RCSD1: variants seen among roughly 807,000 people sequenced by gnomAD.
RCSD1 encodes RCSD domain containing 1, also known as capZ-interacting protein.
RCSD1 carries 26 observed loss-of-function variants against 42.5 expected under a neutral mutation model. The observed-to-expected ratio is 0.61, with a 90% CI of 0.45 to 0.85. The LOEUF (loss-of-function observed/expected upper bound fraction) is 0.85, where lower values mean the gene tolerates loss of function less well. Among genes scored for constraint, RCSD1 ranks in the 40% least tolerant of loss-of-function variants. RCSD1 has a pLI of 0.00. For missense variants in RCSD1, 571 were observed against 528.3 expected (o/e 1.08, Z -0.79); for synonymous variants, 220 against 212.2 (o/e 1.04, Z -0.32).
At chr1:167,700,547 A>G (rs1290597049) in intron 6 of RCSD1, among the ~76,000 whole-genome samples, 2 of 151,798 alleles carry the variant, frequency 1.3e-5, no homozygotes, top group Non-Finnish European at 2.9e-5. Flanking sequence ...GCTACTTAGG[A>G]GGCTGAGGCA....
intron 1 of RCSD1, among the ~76,000 whole-genome samples, chr1:167,653,412 G>A (rs1658355987): frequency 6.6e-6 from 1 of 152,216 alleles, no homozygotes; most frequent in South Asian, 2.1e-4. Context: ...AGAGTCCTGG[G>A]GGGAGAGTTT....
intron 1 of RCSD1, among the ~76,000 whole-genome samples, chr1:167,631,478 G>A (rs1336680725): frequency 1.3e-5 from 2 of 152,140 alleles, no homozygotes; most frequent in Non-Finnish European, 2.9e-5. Flanking sequence ...CCTGGGCCCT[G>A]GTGGTCTTTT....
intron 6 of RCSD1, among the ~76,000 whole-genome samples, chr1:167,698,339 T>C (rs965706429): frequency 6.6e-6 from 1 of 152,174 alleles, no homozygotes; most frequent in Non-Finnish European, 1.5e-5. Flanking sequence ...AAGCCCAAAG[T>C]GCAAGTGTAG....
At chr1:167,664,258 T>G (rs1295823747) in intron 1 of RCSD1, 2 of 152,276 alleles carry the variant, frequency 1.3e-5, no homozygotes, top group Non-Finnish European at 2.9e-5. Flanking sequence ...GCAGCTGCCC[T>G]GGGCTGGACA....
chr1:167,643,911 CG>C (rs1658065758), intron 1 of RCSD1, among the ~76,000 whole-genome samples: 1 of 152,180 alleles, frequency 6.6e-6, no homozygotes, highest in East Asian at 1.9e-4. Flanking sequence ...GACTGGGACA[CG>C]GGATGGACAA....
chr1:167,692,749 G>T (rs1337718472), intron 4 of RCSD1, among the ~76,000 whole-genome samples: 2 of 152,144 alleles, frequency 1.3e-5, no homozygotes, highest in Non-Finnish European at 2.9e-5. Context: ...ACTCAGTCTT[G>T]TCTGTATGAT....
intron 4 of RCSD1, among the ~76,000 whole-genome samples, chr1:167,690,724 G>T (rs796316258): frequency 5.1e-4 from 77 of 152,116 alleles, no homozygotes; most frequent in African/African-American, 1.8e-3. Flanking sequence ...CACCATAGTT[G>T]CCATAAACAC....
chr1:167,674,699 C>T lies in RCSD1; in HGVS notation c.7-9201C>T, dbSNP rs574983132. Reference sequence around the variant, plus strand: ...TCTCTCTGAATTTGCCTATTCTGGACATGTCATAACAATGAAATCACATAA... The same window carrying T: ...TCTCTCTGAATTTGCCTATTCTGGATATGTCATAACAATGAAATCACATAA... On this transcript the variant is annotated intron_variant, in intron 1 of 6. Coordinates refer to ENST00000367854, the MANE Select transcript of RCSD1 (RefSeq NM_052862.4). 2.0e-5 allele frequency among the ~76,000 whole-genome samples: 3 copies of T among 152,306 alleles called. No homozygotes were observed. The East Asian group carries it at 5.8e-4, about 29-fold the overall frequency.
intron 2 of RCSD1, among the ~76,000 whole-genome samples, chr1:167,684,987 G>A (rs1033361498): frequency 6.6e-6 from 1 of 152,190 alleles, no homozygotes; most frequent in African/African-American, 2.4e-5. Flanking sequence ...ATTTTTAGGT[G>A]CACTATTTCG....
chr1:167,651,431 C>G (rs1658301996), intron 1 of RCSD1, among the ~76,000 whole-genome samples: 1 of 152,110 alleles, frequency 6.6e-6, no homozygotes, highest in African/African-American at 2.4e-5. Context: ...AAAGAGTGTC[C>G]CAGGCACCAG....
At chr1:167,668,777 A>C (rs559748424) in intron 1 of RCSD1, among the ~76,000 whole-genome samples, 1 of 150,528 alleles carries the variant, frequency 6.6e-6, no homozygotes, top group African/African-American at 2.4e-5. Flanking sequence ...ATTCTGCCTG[A>C]ATGGGGGAAG....
intron 4 of RCSD1, among the ~76,000 whole-genome samples, chr1:167,692,615 C>A (rs74120631): frequency 0.029 from 4,339 of 152,160 alleles, 69 homozygotes; most frequent in African/African-American, 0.044. Flanking sequence ...CCCACCTCAG[C>A]CTCCTGTGTA....
intron 4 of RCSD1, 26 bp downstream of exon 4, chr1:167,690,146 G>C (rs753461707): frequency 1.7e-5 from 27 of 1,609,420 alleles, no homozygotes; most frequent in Middle Eastern, 1.6e-4. Flanking sequence ...ATTGTCTATT[G>C]CTACCTTTTA....
chr1:167,637,132 G>C (rs1657880013), intron 1 of RCSD1, among the ~76,000 whole-genome samples: 1 of 152,170 alleles, frequency 6.6e-6, no homozygotes, highest in Non-Finnish European at 1.5e-5. Flanking sequence ...GTTGAATCTT[G>C]AGGGGTGAGT....
At chr1:167,642,894 G>T (rs1268876769) in intron 1 of RCSD1, among the ~76,000 whole-genome samples, 1 of 152,190 alleles carries the variant, frequency 6.6e-6, no homozygotes, top group Admixed American at 6.5e-5. Context: ...TTAGGCAGTA[G>T]AATTTGAAGA....
chr1:167,690,115 C>G lies in RCSD1; in HGVS notation c.265C>G (p.Leu89Val). 1 of 1,614,052 alleles carries G rather than the reference C, an allele frequency of 6.2e-7. No individual in the cohort carries two copies. Among genetic ancestry groups the G allele is most frequent in the Non-Finnish European group, 8.5e-7 (1 of 1,179,924 alleles). The stretch of plus-strand genomic sequence containing the variant: ...CAAGAGCTCGCCTCTGATTGAGAAG[C>G]TTCAGGTAAGTGCAGAATTCATTGT... ...KVKSSPLIEK[L>V]QANLTFDPAA... is the part of the protein sequence containing the mutation. The change falls in exon 4 of 7, where the codon CTT becomes GTT. Residue 89 changes from leucine (L) to valine (V), a missense_variant. Coordinates refer to ENST00000367854, the MANE Select transcript of RCSD1 (RefSeq NM_052862.4).
intron 1 of RCSD1, 54 bp from the exon 2 acceptor site, chr1:167,683,846 A>C: frequency 6.5e-7 from 1 of 1,530,844 alleles, no homozygotes; most frequent in Non-Finnish European, 9.0e-7. Flanking sequence ...GGTGCCTTGC[A>C]TGGCATCTGG....
chr1:167,692,711 G>A (rs1245877445), intron 4 of RCSD1, among the ~76,000 whole-genome samples: 2 of 151,970 alleles, frequency 1.3e-5, no homozygotes, highest in Admixed American at 6.6e-5. Context: ...TTTAACTTTC[G>A]TATTTTATAT....
At chr1:167,650,998 C>G (rs1658288484) in intron 1 of RCSD1, among the ~76,000 whole-genome samples, 2 of 152,232 alleles carry the variant, frequency 1.3e-5, no homozygotes, top group African/African-American at 4.8e-5. Context: ...CTGGCTCCCT[C>G]TGATGCCTCT....
Sources: gnomAD v4.1 joint callset for allele counts (sites outside exome capture counted in the v4.1 genomes callset) on GRCh38, gnomAD v4.1.1 for gene constraint, MANE v1.5 for transcripts, NCBI Gene and HGNC (gene_info 2026-07-23, HGNC 2026-07-21) for gene names.